Variants in PRR27 observed in about 807,000 individuals in gnomAD.
PRR27 encodes the protein proline-rich protein 27.
A neutral mutation model predicts 16.8 loss-of-function variants in PRR27; 12 were observed. The ratio of observed to expected loss-of-function variants is 0.71; its 90% CI spans 0.46 to 1.16. The LOEUF is 1.16. PRR27 is among the 50% of genes most tolerant of loss of function. The pLI is 0.00. For synonymous variants in PRR27, 100 were observed against 98.4 expected (o/e 1.02, Z -0.10); for missense variants, 277 against 273.3 (o/e 1.01, Z -0.10).
chr4:70,162,293 C>T (rs970104977), intron 4 of PRR27, among the ~76,000 whole-genome samples: 1 of 152,154 alleles, frequency 6.6e-6, no homozygotes, highest in African/African-American at 2.4e-5. Context: ...TCTGAGGTGA[C>T]ATCACTAGCT....
At chr4:70,160,441 C>CTGTGTGTGTGTGTG (rs1349628920) in intron 3 of PRR27, among the ~76,000 whole-genome samples, 77 of 87,492 alleles carry the variant, frequency 8.8e-4, no homozygotes, top group East Asian at 2.1e-3. Flanking sequence ...CTCTCTCTCT[C>CTGTGTGTGTGTGTG]TCTGTGTGTG....
At chr4:70,162,321 C>A (rs751692352) in intron 4 of PRR27, among the ~76,000 whole-genome samples, 22 of 152,130 alleles carry the variant, frequency 1.4e-4, no homozygotes, top group Non-Finnish European at 3.2e-4. Flanking sequence ...AATTGAAAAG[C>A]AAATGTGATG....
At chr4:70,158,196 G>C (rs1475538103) in intron 2 of PRR27, 132 bp from the exon 3 acceptor site, 4 of 648,540 alleles carry the variant, frequency 6.2e-6, no homozygotes, top group Non-Finnish European at 1.1e-5. Flanking sequence ...AAGTACACTA[G>C]ACTTAAGAAA....
In PRR27 at chr4:70,161,641, T is replaced by C. The variant is rs1463479217; in HGVS notation, c.*33+11T>C. 4 of 1,288,320 alleles carry C rather than the reference T, an allele frequency of 3.1e-6. No individual in the cohort carries two copies. The highest frequency in any genetic ancestry group is 4.8e-5 in the East Asian group (2 of 41,976). The allele number at this position is 1,288,320 out of a possible 1,614,324, so 79.8% of individuals were successfully genotyped here. On this transcript the variant is annotated intron_variant, in intron 4 of 4. Transcript: ENST00000344526. Reference sequence around the variant, plus strand: ...CATGGGTTCATTTCTGTAAGTCATATGTGATAATATAATTTAGAAATTATA... The same window carrying C: ...CATGGGTTCATTTCTGTAAGTCATACGTGATAATATAATTTAGAAATTATA...
chr4:70,158,360 A>G lies in PRR27; in HGVS notation c.108A>G (p.Pro36=). The G allele has an allele frequency of 6.2e-7, 1 of 1,605,120 alleles. No individual in the cohort carries two copies. The highest frequency in any genetic ancestry group is 1.1e-5 in the South Asian group (1 of 90,964). The change falls in exon 3 of 5, where the codon CCA becomes CCG. Residue 36 remains proline, a synonymous_variant. Coordinates refer to ENST00000344526, the MANE Select transcript of PRR27 (RefSeq NM_214711.4). ...ATGACGATGGTCACCCACTTCATCC[A>G]TCTCTGAATATTCCTTATGGCATAC... The part of the protein sequence containing the change: ...DDNDDGHPLH[P]SLNIPYGIRN...
intron 3 of PRR27, among the ~76,000 whole-genome samples, chr4:70,160,994 A>C (rs1728631815): frequency 6.6e-6 from 1 of 151,746 alleles, no homozygotes; most frequent in Non-Finnish European, 1.5e-5. Context: ...TTCTTTTAAG[A>C]TATTCACCAA....
At chr4:70,160,449 G>C (rs1255190414) in intron 3 of PRR27, among the ~76,000 whole-genome samples, 8 of 109,668 alleles carry the variant, frequency 7.3e-5, no homozygotes, top group African/African-American at 2.3e-4. Flanking sequence ...CTCTCTGTGT[G>C]TGTGTGTGTG....
rs1457221508 is a variant in PRR27, at chr4:70,158,762, A to G, written c.510A>G (p.Ala170=). The G allele has an allele frequency of 6.3e-7, 1 of 1,579,580 alleles. No individual in the cohort carries two copies. The highest frequency in any genetic ancestry group is 8.7e-7 in the Non-Finnish European group (1 of 1,154,274). ...CACCTGTTGGAGCTGAGCCTGCTGC[A>G]GAGGCACCTGTTGCAGCTGAGCCTG... is the stretch of plus-strand genomic sequence containing the variant. ...AEAPVGAEPA[A]EAPVAAEPAA... is the part of the protein sequence containing the mutation. The change falls in exon 3 of 5, where the codon GCA becomes GCG. Residue 170 remains alanine, a synonymous_variant. Coordinates refer to ENST00000344526, the MANE Select transcript of PRR27 (RefSeq NM_214711.4).
chr4:70,160,443 C>CTCTCTCTCTGTGTGTGTGTGTGTG (rs1298386504), intron 3 of PRR27, among the ~76,000 whole-genome samples: 72 of 68,688 alleles, frequency 1.0e-3, no homozygotes, highest in South Asian at 4.3e-3. Context: ...CTCTCTCTCT[C>CTCTCTCTCTGTGTGTGTGTGTGTG]TGTGTGTGTG....
chr4:70,161,629 C>T lies in PRR27; in HGVS notation c.*32C>T, dbSNP rs1250951024. On this transcript the variant is annotated splice_region_variant and 3_prime_UTR_variant, in exon 4 of 5. Coordinates refer to ENST00000344526, the MANE Select transcript of PRR27 (RefSeq NM_214711.4). ...CTAGAAGAGTACCATGGGTTCATTTCTGTAAGTCATATGTGATAATATAAT... is the reference window on the plus strand; with the variant it reads ...CTAGAAGAGTACCATGGGTTCATTTTTGTAAGTCATATGTGATAATATAAT... 1.4e-6 allele frequency: 2 copies of T among 1,419,542 alleles called. No homozygotes were observed. Among genetic ancestry groups the T allele is most frequent in the African/African-American group, 2.9e-5 (2 of 69,700 alleles). 87.9% of individuals were successfully genotyped at this position (1,419,542 alleles called of 1,614,324 possible).
intron 3 of PRR27, among the ~76,000 whole-genome samples, chr4:70,160,113 G>A (rs1728606197): frequency 1.3e-5 from 2 of 152,088 alleles, no homozygotes; most frequent in Admixed American, 1.3e-4. Context: ...ATGGTGTGAT[G>A]CTGAGGTTTA....
At position 70,165,393 on chromosome 4, in the gene PRR27, T is replaced by C. The variant is rs1728741514; in HGVS notation, c.*2732T>C. ...CATGTAACCACCACCATCTGGAAAT[T>C]TCACACTAAATTATAAAACATTTCC... On this transcript the variant is annotated 3_prime_UTR_variant, in exon 5 of 5. Transcript: ENST00000344526. The C allele has an allele frequency of 6.6e-6, 1 of 152,080 alleles. No individual in the cohort carries two copies. The highest frequency in any genetic ancestry group is 6.6e-5 in the Admixed American group (1 of 15,260). The allele number at this position is 152,080 out of a possible 1,614,324, so 9.4% of individuals were successfully genotyped here. A position where few individuals can be genotyped will look rare whatever the true frequency, so the allele number is the denominator to read the frequency against.
At chr4:70,161,547 G>C in intron 3 of PRR27, 39 bp from the exon 4 acceptor site, 1 of 1,329,830 alleles carries the variant, frequency 7.5e-7, no homozygotes, top group Non-Finnish European at 1.1e-6. Flanking sequence ...AAGTACATTT[G>C]ATTGTTTATG....
At chr4:70,161,383 A>G (rs1215483893) in intron 3 of PRR27, among the ~76,000 whole-genome samples, 1 of 151,472 alleles carries the variant, frequency 6.6e-6, no homozygotes, top group Non-Finnish European at 1.5e-5. Flanking sequence ...AGGGACCTTC[A>G]CTGAGAGGAG....
Position 70,164,643 on chromosome 4 carries a change from A to C in PRR27, c.*1982A>C, listed in dbSNP as rs1728725029. The C allele has an allele frequency of 1.3e-5, 2 of 152,140 alleles. No individual in the cohort carries two copies. The highest frequency in any genetic ancestry group is 4.8e-5 in the African/African-American group (2 of 41,440). 9.4% of individuals were successfully genotyped at this position (152,140 alleles called of 1,614,324 possible). On this transcript the variant is annotated 3_prime_UTR_variant, in exon 5 of 5. Coordinates refer to ENST00000344526, the MANE Select transcript of PRR27 (RefSeq NM_214711.4). ...AAATTTGTAATCATACATGATAGTC[A>C]ATTTTAATGATTATGTTGTCAAAAT...
Position 70,164,474 on chromosome 4 carries a change from A to G in PRR27, c.*1813A>G, listed in dbSNP as rs2109796671. 1 of 152,292 alleles carries G rather than the reference A, an allele frequency of 6.6e-6. No individual in the cohort carries two copies. Among genetic ancestry groups the G allele is most frequent in the Middle Eastern group, 3.4e-3 (1 of 294 alleles). The allele number at this position is 152,292 out of a possible 1,614,324, so 9.4% of individuals were successfully genotyped here. On this transcript the variant is annotated 3_prime_UTR_variant, in exon 5 of 5. Transcript: ENST00000344526. ...AAATGAGAAACTTTCTTAGACAGTA[A>G]AATTGTTAACTTGAGATGTTTGCTT...
Position 70,163,883 on chromosome 4 carries a change from G to A in PRR27, c.*1222G>A, listed in dbSNP as rs1252764865. Reference sequence around the variant, plus strand: ...CTTGCCCCATGCTCCTCATGCAGCAGCTTTTTTTTTTTTTTCCTTTTTCAA... The same window carrying A: ...CTTGCCCCATGCTCCTCATGCAGCAACTTTTTTTTTTTTTTCCTTTTTCAA... On this transcript the variant is annotated 3_prime_UTR_variant, in exon 5 of 5. Transcript: ENST00000344526. 8.2e-6 allele frequency: 1 copy of A among 122,586 alleles called. No individual in the cohort carries two copies. The highest frequency in any genetic ancestry group is 2.7e-5 in the African/African-American group (1 of 36,424). The allele number at this position is 122,586 out of a possible 1,614,324, so 7.6% of individuals were successfully genotyped here. A position where few individuals can be genotyped will look rare whatever the true frequency, so the allele number is the denominator to read the frequency against.
intron 4 of PRR27, 133 bp downstream of exon 4, chr4:70,161,763 G>A: frequency 2.3e-6 from 1 of 443,252 alleles, no homozygotes; most frequent in Non-Finnish European, 4.1e-6. Context: ...AGAAGCACTG[G>A]TAGTTTGTGC....
intron 1 of PRR27, 66 bp downstream of exon 1, chr4:70,154,492 T>A: frequency 8.0e-7 from 1 of 1,250,690 alleles, no homozygotes; most frequent in South Asian, 1.2e-5. Flanking sequence ...TATAGGCATT[T>A]GTGCTTATGA....
Sources: gnomAD v4.1 joint callset for allele counts (sites outside exome capture counted in the v4.1 genomes callset) on GRCh38, gnomAD v4.1.1 for gene constraint, MANE v1.5 for transcripts, NCBI Gene and HGNC (gene_info 2026-07-23, HGNC 2026-07-21) for gene names.